The following IGSF21 variants were observed in gnomAD, a reference collection of about 807,000 sequenced individuals.
IGSF21 encodes immunoglobulin superfamily member 21.
A neutral mutation model predicts 46.8 loss-of-function variants in IGSF21; 28 were observed. The observed-to-expected ratio is 0.60, with a 90% CI of 0.44 to 0.82. The LOEUF is 0.82. Among genes scored for constraint, IGSF21 ranks in the 40% least tolerant of loss-of-function variants. IGSF21 has a pLI of 0.00. For missense variants in IGSF21, 624 were observed against 665.5 expected, an observed-to-expected ratio of 0.94 and a Z score of 0.69; for synonymous variants, 284 against 273.6, an observed-to-expected ratio of 1.04 and a Z score of -0.38.
At chr1:18,168,002 A>T (rs963100161) in intron 1 of IGSF21, among the ~76,000 whole-genome samples, 8 of 152,032 alleles carry the variant, frequency 5.3e-5, no homozygotes, top group Non-Finnish European at 8.8e-5. Context: ...TCTCCTTTTA[A>T]TGACCACATT....
chr1:18,230,392 C>T (rs543563823), intron 2 of IGSF21, among the ~76,000 whole-genome samples: 1 of 152,204 alleles, frequency 6.6e-6, no homozygotes, highest in Admixed American at 6.5e-5. Flanking sequence ...GCATATCGGG[C>T]CATGGTAGGC....
chr1:18,187,548 A>G (rs1446961143), intron 1 of IGSF21, among the ~76,000 whole-genome samples: 2 of 152,240 alleles, frequency 1.3e-5, no homozygotes, highest in African/African-American at 2.4e-5. Flanking sequence ...AATCACTACA[A>G]TGAGAACAGT....
chr1:18,125,194 G>A (rs1173393916), intron 1 of IGSF21, among the ~76,000 whole-genome samples: 1 of 152,210 alleles, frequency 6.6e-6, no homozygotes, highest in Non-Finnish European at 1.5e-5. Flanking sequence ...CTTTGCACAT[G>A]TGGTTCGAAC....
rs1312051856 is a variant in IGSF21 at position 18,365,550 on chromosome 1, A to G, written c.868A>G (p.Ser290Gly). The G allele has an allele frequency of 3.7e-6, 6 of 1,613,872 alleles. No individual in the cohort carries two copies. The highest frequency in any genetic ancestry group is 5.1e-6 in the Non-Finnish European group (6 of 1,180,012). Residue 290 changes from serine to glycine, a missense_variant, in exon 6 of 10, where the codon AGC becomes GGC. Ser to Gly is a moderately conservative substitution (Grantham distance 56). Transcript: ENST00000251296. The surrounding 1 kb of genome is among the most constrained non-coding windows in gnomAD (Gnocchi z 4.8). ...CGAGCCCACCTACTTCCTGCGCCAC[A>G]GCCGCACCCCGAGCAGTGACGGCAC... ...SAEPTYFLRH[S>G]RTPSSDGTVE...
intron 1 of IGSF21, among the ~76,000 whole-genome samples, chr1:18,156,658 G>GCT (rs2086572726): frequency 6.6e-6 from 1 of 152,164 alleles, no homozygotes; most frequent in African/African-American, 2.4e-5. Context: ...CAAATGTTGA[G>GCT]AAACCAGAGA....
At chr1:18,110,806 C>T (rs1570232848) in intron 1 of IGSF21, 4 of 152,670 alleles carry the variant, frequency 2.6e-5, no homozygotes, top group African/African-American at 9.6e-5. Context: ...GGAAGTCCTG[C>T]ACTGGAGCCT....
rs149149319 is a variant in IGSF21, at chr1:18,127,838, A to G, written c.70+19640A>G. 3.8e-3 allele frequency among the ~76,000 whole-genome samples: 580 copies of G among 152,286 alleles called. 8 individuals are homozygous for G. Among genetic ancestry groups the G allele is most frequent in the African/African-American group, 0.014 (564 of 41,552 alleles). ...GTGGGAGGATCACTTGAACCCGGGA[A>G]GTCGAGGTTATAGTGAGCCATAATT... On this transcript the variant is annotated intron_variant, in intron 1 of 9. Coordinates refer to ENST00000251296, the MANE Select transcript of IGSF21 (RefSeq NM_032880.5).
At chr1:18,155,054 T>C (rs921175806) in intron 1 of IGSF21, among the ~76,000 whole-genome samples, 1 of 152,024 alleles carries the variant, frequency 6.6e-6, no homozygotes, top group Non-Finnish European at 1.5e-5. Context: ...GCTACTAGAT[T>C]CACACTTCCT....
chr1:18,242,157 C>T (rs1045399502), intron 2 of IGSF21, among the ~76,000 whole-genome samples: 1 of 152,198 alleles, frequency 6.6e-6, no homozygotes, highest in Non-Finnish European at 1.5e-5. Flanking sequence ...ACAGCTTCCA[C>T]CCTGCAGAGA....
intron 1 of IGSF21, among the ~76,000 whole-genome samples, chr1:18,146,955 G>C (rs759726086): frequency 6.6e-6 from 1 of 152,108 alleles, no homozygotes; most frequent in Non-Finnish European, 1.5e-5. Flanking sequence ...GTAAAAACAT[G>C]GTCACCCTGA....
rs60396962 is a variant in IGSF21, at chr1:18,206,565, A to AG, written c.71-21332dup. ...CCCCGTCTCAAAAAAAAAAAAAAAAAGAGTGTTCTAGGAAGATGGAACAGT... is the reference window on the plus strand; with the variant it reads ...CCCCGTCTCAAAAAAAAAAAAAAAAAGGAGTGTTCTAGGAAGATGGAACAGT... On this transcript the variant is annotated intron_variant, in intron 1 of 9. Transcript: ENST00000251296. Among the ~76,000 whole-genome samples the AG allele has an allele frequency of 4.2e-3, 628 of 149,946 alleles. 10 individuals are homozygous for AG. Among genetic ancestry groups the AG allele is most frequent in the African/African-American group, 0.015 (613 of 41,000 alleles).
intron 2 of IGSF21, among the ~76,000 whole-genome samples, chr1:18,240,091 A>C (rs2084711978): frequency 6.6e-6 from 1 of 152,182 alleles, no homozygotes; most frequent in Admixed American, 6.5e-5. Context: ...CATCCTGGGC[A>C]ACCTGACAAA....
intron 1 of IGSF21, among the ~76,000 whole-genome samples, chr1:18,199,648 C>A (rs894397840): frequency 3.3e-5 from 5 of 152,018 alleles, no homozygotes; most frequent in African/African-American, 1.2e-4. Context: ...GTAATAGAGC[C>A]CAGAGTGAGC....
At chr1:18,157,160 A>G (rs1158757674) in intron 1 of IGSF21, among the ~76,000 whole-genome samples, 1 of 152,050 alleles carries the variant, frequency 6.6e-6, no homozygotes, top group Non-Finnish European at 1.5e-5. Context: ...AGACATTCAG[A>G]CTCAAAATAA....
At chr1:18,324,470 A>G (rs1002432431) in intron 3 of IGSF21, among the ~76,000 whole-genome samples, 1 of 152,068 alleles carries the variant, frequency 6.6e-6, no homozygotes, top group African/African-American at 2.4e-5. Flanking sequence ...ATGAGCCCCC[A>G]TTTCCCAGAA....
In IGSF21 at chr1:18,208,397, T is replaced by TATATATATATATATATATATA. The variant is rs368652183; in HGVS notation, c.71-19501_71-19500insATATATATATATATATATATA. The stretch of plus-strand genomic sequence containing the variant: ...GAATAATATATATATATATATATAT[T>TATATATATATATATATATATA]TTTTGAGACGGAGTCTTGCTGTCTC... On this transcript the variant is annotated intron_variant, in intron 1 of 9. Transcript: ENST00000251296. Among the ~76,000 whole-genome samples, 628 of 92,454 alleles carry TATATATATATATATATATATA rather than the reference T, an allele frequency of 6.8e-3. 75 individuals are homozygous for TATATATATATATATATATATA. Among genetic ancestry groups the TATATATATATATATATATATA allele is most frequent in the Middle Eastern group, 0.033 (5 of 152 alleles). The allele number at this position is 92,454 out of a possible 152,430, so 60.7% of individuals were successfully genotyped here.
intron 1 of IGSF21, among the ~76,000 whole-genome samples, chr1:18,132,597 G>C (rs2086331233): frequency 1.3e-5 from 2 of 152,162 alleles, no homozygotes; most frequent in Admixed American, 1.3e-4. Flanking sequence ...TTGCGTTCTG[G>C]GTCCTGGCCA....
intron 1 of IGSF21, among the ~76,000 whole-genome samples, chr1:18,226,842 CG>C (rs1474863549): frequency 1.3e-5 from 2 of 152,152 alleles, no homozygotes; most frequent in Non-Finnish European, 2.9e-5. Context: ...GGACATCAGC[CG>C]GCAGGAAGCC....
At chr1:18,256,189 C>A (rs187500014) in intron 2 of IGSF21, among the ~76,000 whole-genome samples, 2 of 152,152 alleles carry the variant, frequency 1.3e-5, no homozygotes, top group Admixed American at 6.5e-5. Context: ...GCTGTATATG[C>A]CCTCCTGTAT....
Sources: gnomAD v4.1 joint callset for allele counts (sites outside exome capture counted in the v4.1 genomes callset) on GRCh38, gnomAD v4.1.1 for gene constraint, Gnocchi (gnomAD v3.1) non-coding constraint, MANE v1.5 for transcripts, NCBI Gene and HGNC (gene_info 2026-07-23, HGNC 2026-07-21) for gene names.